Variants in KCNAB1 observed in about 807,000 individuals in gnomAD.
KCNAB1 encodes the protein potassium voltage-gated channel subfamily A regulatory beta subunit 1.
In KCNAB1, 35 loss-of-function variants were observed where a neutral mutation model predicts 64.6. That is an observed-to-expected ratio of 0.54 (90% confidence interval 0.41 to 0.72). The LOEUF is 0.72. KCNAB1 is among the 30% of genes least tolerant of loss of function. The pLI, the probability that KCNAB1 is intolerant of heterozygous loss-of-function variation, is 0.00. For missense variants in KCNAB1, 401 were observed against 512.9 expected (o/e 0.78, Z 2.11); for synonymous variants, 177 against 183.8 (o/e 0.96, Z 0.30).
chr3:156,259,490 A>T (rs371031039), intron 1 of KCNAB1, among the ~76,000 whole-genome samples: 1 of 152,110 alleles, frequency 6.6e-6, no homozygotes, highest in Non-Finnish European at 1.5e-5. Flanking sequence ...GACTGTCCTC[A>T]TGTTGTCTAA....
intron 1 of KCNAB1, among the ~76,000 whole-genome samples, chr3:156,320,920 T>TA (rs1722613347): frequency 6.6e-6 from 1 of 151,962 alleles, no homozygotes; most frequent in African/African-American, 2.4e-5. Context: ...CTTTTTTTTT[T>TA]TTTCTACATG....
At chr3:156,390,325 T>C (rs1329732223) in intron 1 of KCNAB1, among the ~76,000 whole-genome samples, 1 of 152,174 alleles carries the variant, frequency 6.6e-6, no homozygotes, top group Admixed American at 6.5e-5. Flanking sequence ...TAATTTTTGG[T>C]AGTCTAAGCA....
intron 1 of KCNAB1, among the ~76,000 whole-genome samples, chr3:156,136,554 A>G (rs902856961): frequency 2.0e-5 from 3 of 152,246 alleles, no homozygotes; most frequent in Non-Finnish European, 4.4e-5. Flanking sequence ...CAATACTATC[A>G]TGATCTCAAA....
Position 156,385,856 on chromosome 3 carries a change from G to A in KCNAB1, c.276-35760G>A, listed in dbSNP as rs942144926. On this transcript the variant is annotated intron_variant, in intron 1 of 13. Transcript: ENST00000490337. ...TGTATTTGTTGTATTCTGCAGATTGGATTTCAATTTTTTTAATGTAGTTTT... is the reference window on the plus strand; with the variant it reads ...TGTATTTGTTGTATTCTGCAGATTGAATTTCAATTTTTTTAATGTAGTTTT... 2.0e-5 allele frequency among the ~76,000 whole-genome samples: 3 copies of A among 152,238 alleles called. No homozygotes were observed. The East Asian group carries it at 5.8e-4, about 29-fold the overall frequency.
intron 1 of KCNAB1, among the ~76,000 whole-genome samples, chr3:156,172,803 A>G (rs1370604454): frequency 6.6e-6 from 1 of 152,232 alleles, no homozygotes; most frequent in Non-Finnish European, 1.5e-5. Flanking sequence ...TATTGCAGGC[A>G]GAGAATACTC....
chr3:156,246,023 G>A (rs1717430488), intron 1 of KCNAB1, among the ~76,000 whole-genome samples: 1 of 151,998 alleles, frequency 6.6e-6, no homozygotes, highest in Non-Finnish European at 1.5e-5. Context: ...TTCTCTTCTT[G>A]GAGAGAAAAA....
chr3:156,194,929 C>A (rs2108366624), intron 1 of KCNAB1, among the ~76,000 whole-genome samples: 1 of 152,208 alleles, frequency 6.6e-6, no homozygotes, highest in South Asian at 2.1e-4. Flanking sequence ...AATGCTCTCC[C>A]TCTCCTTTCC....
chr3:156,257,750 G>A (rs1718182098), intron 1 of KCNAB1, among the ~76,000 whole-genome samples: 1 of 152,128 alleles, frequency 6.6e-6, no homozygotes, highest in Admixed American at 6.5e-5. Context: ...ATAGTTTACT[G>A]GGGGATATCA....
intron 13 of KCNAB1, among the ~76,000 whole-genome samples, chr3:156,532,512 A>T (rs966779170): frequency 2.2e-4 from 34 of 152,184 alleles, no homozygotes; most frequent in African/African-American, 8.2e-4. Context: ...TGTCCCTGCA[A>T]CAAGCACACA....
At chr3:156,246,931 A>G (rs1717491103) in intron 1 of KCNAB1, among the ~76,000 whole-genome samples, 1 of 152,348 alleles carries the variant, frequency 6.6e-6, no homozygotes, top group Admixed American at 6.5e-5. Context: ...GCTGATTTAG[A>G]GCATGAGAAC....
intron 1 of KCNAB1, among the ~76,000 whole-genome samples, chr3:156,269,538 T>C (rs1436490187): frequency 1.3e-5 from 2 of 152,168 alleles, no homozygotes; most frequent in Non-Finnish European, 2.9e-5. Flanking sequence ...TTAAATCTGT[T>C]TTTTCTTTGT....
intron 1 of KCNAB1, among the ~76,000 whole-genome samples, chr3:156,388,454 C>T (rs958067509): frequency 1.3e-5 from 2 of 152,142 alleles, no homozygotes; most frequent in African/African-American, 2.4e-5. Flanking sequence ...CAGTCTGGTC[C>T]TTAGACATCC....
chr3:156,379,782 C>T (rs1241822986), intron 1 of KCNAB1, among the ~76,000 whole-genome samples: 1 of 152,062 alleles, frequency 6.6e-6, no homozygotes, highest in Non-Finnish European at 1.5e-5. Flanking sequence ...CTGGCCACTG[C>T]ATAGGGGCTT....
At chr3:156,299,106 C>T (rs1331151902) in intron 1 of KCNAB1, among the ~76,000 whole-genome samples, 1 of 152,188 alleles carries the variant, frequency 6.6e-6, no homozygotes. Flanking sequence ...GGGCAGAGGG[C>T]CAAGGCCAAA....
intron 1 of KCNAB1, chr3:156,227,556 A>T (rs180701513): frequency 1.3e-5 from 2 of 152,346 alleles, no homozygotes; most frequent in Admixed American, 1.3e-4. Context: ...ATTCAACAAT[A>T]GGTGATGTAG....
chr3:156,343,851 G>C (rs1019644764), intron 1 of KCNAB1, among the ~76,000 whole-genome samples: 2 of 152,174 alleles, frequency 1.3e-5, no homozygotes, highest in African/African-American at 4.8e-5. Context: ...GAACTTCTAA[G>C]CAGAAAAATG....
chr3:156,355,801 T>C (rs1725192670), intron 1 of KCNAB1, among the ~76,000 whole-genome samples: 1 of 152,140 alleles, frequency 6.6e-6, no homozygotes, highest in Non-Finnish European at 1.5e-5. Context: ...TCTAAAGTGC[T>C]TGTAATTTCA....
chr3:156,301,649 G>T (rs1721162255), intron 1 of KCNAB1, among the ~76,000 whole-genome samples: 1 of 152,214 alleles, frequency 6.6e-6, no homozygotes, highest in Non-Finnish European at 1.5e-5. Context: ...CAAGGAAGGA[G>T]TTTAAGGTTT....
intron 4 of KCNAB1, among the ~76,000 whole-genome samples, chr3:156,459,275 T>C (rs1226703644): frequency 6.6e-6 from 1 of 152,178 alleles, no homozygotes; most frequent in African/African-American, 2.4e-5. Context: ...GAAGGACACT[T>C]CGTTATGTCT....
Sources: gnomAD v4.1 joint callset for allele counts (sites outside exome capture counted in the v4.1 genomes callset) on GRCh38, gnomAD v4.1.1 for gene constraint, MANE v1.5 for transcripts, NCBI Gene and HGNC (gene_info 2026-07-23, HGNC 2026-07-21) for gene names.